STARD9: variants seen among roughly 807,000 people sequenced by gnomAD.
The protein encoded by STARD9 is StAR related lipid transfer domain containing 9.
A neutral mutation model predicts 399.8 loss-of-function variants in STARD9; 346 were observed. The observed-to-expected ratio is 0.87, with a 90% CI of 0.79 to 0.95. STARD9 has a LOEUF of 0.95. Among genes scored for constraint, STARD9 ranks in the 40% least tolerant of loss-of-function variants. STARD9 has a pLI of 0.00. For missense variants in STARD9, 5,832 were observed against 5,667.5 expected (o/e 1.03, Z -0.93); for synonymous variants, 2,203 against 2,143.5 (o/e 1.03, Z -0.77).
In STARD9 at chr15:42,636,937, G is replaced by A. The variant is rs866281183; in HGVS notation, c.352-970G>A. ...AAATTAGCCAGGTGTGGTGGTGGGT[G>A]CCTGTACTCCCATCTACTTGGGAAG... is the stretch of plus-strand genomic sequence containing the variant. On this transcript the variant is annotated intron_variant, in intron 4 of 32. Coordinates refer to ENST00000290607, the MANE Select transcript of STARD9 (RefSeq NM_020759.3). 3.9e-5 allele frequency among the ~76,000 whole-genome samples: 6 copies of A among 152,010 alleles called. 1 individual carries two copies. The Middle Eastern group carries it at 0.017, about 431-fold the overall frequency.
At chr15:42,712,088 T>TATA (rs1555410990) in intron 26 of STARD9, among the ~76,000 whole-genome samples, 80 of 1,096 alleles carry the variant, frequency 0.073, 6 homozygotes, top group African/African-American at 0.15. Context: ...ATATTATATA[T>TATA]ATATATATAA....
rs1394959708 is a variant in STARD9 at position 42,716,602 on chromosome 15, G to C, written c.13285-75G>C. 8.7e-6 allele frequency: 8 copies of C among 922,908 alleles called. No individual in the cohort carries two copies. The African/African-American group carries it at 9.8e-5, about 11-fold the overall frequency. 57.2% of individuals were successfully genotyped at this position (922,908 alleles called of 1,614,324 possible). ...TGAGTCATCCCACTGGAAGCTGTGAGATGCAGTTCAGAGGCAGAGGAGATA... is the reference window on the plus strand; with the variant it reads ...TGAGTCATCCCACTGGAAGCTGTGACATGCAGTTCAGAGGCAGAGGAGATA... On this transcript the variant is annotated intron_variant, in intron 26 of 32. Coordinates refer to ENST00000290607, the MANE Select transcript of STARD9 (RefSeq NM_020759.3).
intron 26 of STARD9, among the ~76,000 whole-genome samples, chr15:42,708,529 C>T (rs1198943678): frequency 1.3e-5 from 2 of 152,198 alleles, no homozygotes; most frequent in Non-Finnish European, 2.9e-5. Context: ...TATTTCATCT[C>T]TCCTGGAGCC....
Position 42,692,582 on chromosome 15 carries a change from C to G in STARD9, c.11004C>G (p.Ala3668=), listed in dbSNP as rs1277142666. The change falls in exon 23 of 33, where the codon GCC becomes GCG. Residue 3668 remains alanine, a synonymous_variant. Coordinates refer to ENST00000290607, the MANE Select transcript of STARD9 (RefSeq NM_020759.3). ...FAQPEASAVS[A]FDLASWTSMH... is the part of the protein sequence containing the mutation. ...AGCCTGAAGCCAGTGCAGTATCAGC[C>G]TTTGATCTGGCCTCATGGACCAGCA... The G allele has an allele frequency of 6.5e-7, 1 of 1,537,242 alleles. No individual in the cohort carries two copies.
At chr15:42,623,843 T>G (rs72711776) in intron 3 of STARD9, among the ~76,000 whole-genome samples, 1,729 of 152,348 alleles carry the variant, frequency 0.011, 16 homozygotes, top group Non-Finnish European at 0.02. Flanking sequence ...CTAGACTCAT[T>G]TGTCAAAGTT....
chr15:42,663,368 C>T lies in STARD9; in HGVS notation c.956C>T (p.Ser319Phe). The change falls in exon 12 of 33, where the codon TCT (serine) becomes TTT (phenylalanine). Residue 319 changes from serine (S) to phenylalanine (F), a missense_variant. This residue lies in a region of STARD9 where 5,828 missense variants were observed against 5,651.1 expected (regional missense o/e 1.03). Coordinates refer to ENST00000290607, the MANE Select transcript of STARD9 (RefSeq NM_020759.3). ...GGDSGILSSP[S>F]GTSSGGAPSR... Reference sequence around the variant, plus strand: ...GACAGTGGGATCCTTAGCTCTCCTTCTGGGACCAGCAGTGGAGGGGCACCC... The same window carrying T: ...GACAGTGGGATCCTTAGCTCTCCTTTTGGGACCAGCAGTGGAGGGGCACCC... 6.5e-7 allele frequency: 1 copy of T among 1,537,362 alleles called. No homozygotes were observed. Among genetic ancestry groups the T allele is most frequent in the Non-Finnish European group, 8.7e-7 (1 of 1,146,922 alleles).
At position 42,588,821 on chromosome 15, in the gene STARD9, G is replaced by A. The variant is rs77632790; in HGVS notation, c.234+3184G>A. On this transcript the variant is annotated intron_variant, in intron 3 of 32. Coordinates refer to ENST00000290607, the MANE Select transcript of STARD9 (RefSeq NM_020759.3). ...TTTTTTTTTTTTTTTTTTTTGGAGT[G>A]GGGGGTGGGGGTGTGTGGACAGAGT... Among the ~76,000 whole-genome samples, 100 of 89,020 alleles carry A rather than the reference G, an allele frequency of 1.1e-3. 1 individual carries two copies. Among genetic ancestry groups the A allele is most frequent in the African/African-American group, 3.6e-3 (88 of 24,560 alleles). 58.4% of individuals were successfully genotyped at this position (89,020 alleles called of 152,430 possible).
Position 42,669,356 on chromosome 15 carries a change from C to G in STARD9, c.1497+19C>G. ...TCTCAAGGTGAGGAGGCTAGTGTAT[C>G]CTTTTCTTCCTAAGCCACTGGTTCC... On this transcript the variant is annotated intron_variant, in intron 16 of 32. Transcript: ENST00000290607. 6.7e-7 allele frequency: 1 copy of G among 1,490,162 alleles called. No homozygotes were observed. The highest frequency in any genetic ancestry group is 9.0e-7 in the Non-Finnish European group (1 of 1,111,556). 92.3% of individuals were successfully genotyped at this position (1,490,162 alleles called of 1,614,324 possible). A position where few individuals can be genotyped will look rare whatever the true frequency, so the allele number is the denominator to read the frequency against.
At chr15:42,699,009 C>T (rs764895150) in intron 26 of STARD9, among the ~76,000 whole-genome samples, 3 of 64,324 alleles carry the variant, frequency 4.7e-5, no homozygotes, top group Non-Finnish European at 8.8e-5. Flanking sequence ...CCAGAGTATT[C>T]TTTCTTGTTT....
chr15:42,578,106 A>ATTTTTTTT (rs57016102), intron 1 of STARD9, among the ~76,000 whole-genome samples: 1 of 134,126 alleles, frequency 7.5e-6, no homozygotes. Context: ...TTGACGCTCA[A>ATTTTTTTT]TTTTTTTTTT....
At chr15:42,636,325 G>A (rs2059417312) in intron 4 of STARD9, among the ~76,000 whole-genome samples, 1 of 152,116 alleles carries the variant, frequency 6.6e-6, no homozygotes, top group South Asian at 2.1e-4. Flanking sequence ...GCTCATTCCT[G>A]TAATACCAGC....
chr15:42,687,850 A>G lies in STARD9; in HGVS notation c.6272A>G (p.Glu2091Gly). 1 of 1,537,334 alleles carries G rather than the reference A, an allele frequency of 6.5e-7. No homozygotes were observed. Among genetic ancestry groups the G allele is most frequent in the Non-Finnish European group, 8.7e-7 (1 of 1,146,980 alleles). ...GAGTTGGTGTTCCAGGACCAGAAGG[A>G]GCAGGAGAAGACTGACCATGCCTTT... ...DKELVFQDQKEQEKTDHAFRP... is the reference protein window; with the variant it reads ...DKELVFQDQKGQEKTDHAFRP... Residue 2091 changes from glutamate (E) to glycine (G), a missense_variant, in exon 23 of 33, where the codon GAG (glutamate) becomes GGG (glycine). Coordinates refer to ENST00000290607, the MANE Select transcript of STARD9 (RefSeq NM_020759.3).
intron 26 of STARD9, among the ~76,000 whole-genome samples, chr15:42,701,947 A>G (rs549742427): frequency 2.2e-4 from 32 of 144,620 alleles, no homozygotes; most frequent in African/African-American, 8.4e-4. Flanking sequence ...GTGACCCGAG[A>G]TCATCATTGC....
At chr15:42,642,388 C>G (rs974271947) in intron 7 of STARD9, among the ~76,000 whole-genome samples, 21 of 152,138 alleles carry the variant, frequency 1.4e-4, no homozygotes, top group African/African-American at 5.1e-4. Context: ...AAGGGCCTGC[C>G]CAAAGCACAC....
intron 26 of STARD9, among the ~76,000 whole-genome samples, chr15:42,707,238 C>T (rs969427080): frequency 1.6e-4 from 25 of 152,138 alleles, no homozygotes; most frequent in Non-Finnish European, 2.9e-5. Flanking sequence ...ATATTGGAAC[C>T]ATTACAGGTT....
At chr15:42,681,371 T>G in intron 20 of STARD9, 51 bp from the exon 21 acceptor site, 8 of 1,504,846 alleles carry the variant, frequency 5.3e-6, no homozygotes, top group Non-Finnish European at 7.1e-6. Context: ...CAGTTTGTCC[T>G]GAGCTTGGTT....
intron 3 of STARD9, among the ~76,000 whole-genome samples, chr15:42,625,358 T>A (rs1248626437): frequency 6.7e-6 from 1 of 149,940 alleles, no homozygotes; most frequent in Non-Finnish European, 1.5e-5. Flanking sequence ...GGAGACAGAG[T>A]CTGACTCTGT....
At chr15:42,617,104 A>G (rs1184987760) in intron 3 of STARD9, among the ~76,000 whole-genome samples, 1 of 152,178 alleles carries the variant, frequency 6.6e-6, no homozygotes, top group Non-Finnish European at 1.5e-5. Context: ...GTGTAAAAGA[A>G]TCCTAACAAT....
chr15:42,682,027 T>C (rs1566930475), intron 21 of STARD9, 77 bp from the exon 22 acceptor site: 5 of 972,596 alleles, frequency 5.1e-6, no homozygotes, highest in Non-Finnish European at 7.6e-6. Flanking sequence ...CAGCCATGGC[T>C]GGAGGTATCT....
Sources: gnomAD v4.1 joint callset for allele counts (sites outside exome capture counted in the v4.1 genomes callset) on GRCh38, gnomAD v4.1.1 for gene constraint, gnomAD v4.1.1 regional missense constraint, MANE v1.5 for transcripts, NCBI Gene and HGNC (gene_info 2026-07-23, HGNC 2026-07-21) for gene names.